Variants in NBPF20 observed in about 807,000 individuals in gnomAD.
NBPF20 encodes NBPF member 20.
NBPF20 carries 90 observed loss-of-function variants against 68.1 expected under a neutral mutation model. That is an observed-to-expected ratio of 1.32 (90% CI 1.11 to 1.58). The LOEUF is 1.58. NBPF20 is among the 40% of genes most tolerant of loss of function. NBPF20 has a pLI of 0.00. For synonymous variants in NBPF20, 290 were observed against 228.1 expected, an observed-to-expected ratio of 1.27 and a Z score of -2.45; for missense variants, 816 against 601.2, an observed-to-expected ratio of 1.36 and a Z score of -3.74.
intron 9 of NBPF20, chr1:145,393,634 C>G: frequency 1.1e-6 from 1 of 916,952 alleles, no homozygotes; most frequent in Non-Finnish European, 1.6e-6. Flanking sequence ...GCTCAAGTTT[C>G]CCTGCAGTTA....
At chr1:145,404,565 C>T (rs1319267487) in intron 2 of NBPF20, among the ~76,000 whole-genome samples, 3 of 152,148 alleles carry the variant, frequency 2.0e-5, no homozygotes, top group East Asian at 1.9e-4. Flanking sequence ...CCCCTACTCC[C>T]TGCTCTTGAT....
intron 9 of NBPF20, 97 bp downstream of exon 14, chr1:145,393,787 A>G (rs1467398355): frequency 9.5e-6 from 13 of 1,369,142 alleles, no homozygotes; most frequent in Admixed American, 1.7e-5. Context: ...TTGTCTGACA[A>G]GACAAAATCA....
chr1:145,406,085 A>ATTTTTTTTTTT (rs587699811), upstream of NBPF20, among the ~76,000 whole-genome samples: 24 of 117,632 alleles, frequency 2.0e-4, no homozygotes, highest in Admixed American at 3.5e-4. Context: ...CGCCCGGCTA[A>ATTTTTTTTTTT]TTTTTTTTTT....
chr1:145,419,952 CCT>C, the NBPF20 span, among the ~76,000 whole-genome samples: 2 of 151,958 alleles, frequency 1.3e-5, no homozygotes, highest in South Asian at 2.1e-4. Context: ...TCAAAAGTGG[CCT>C]CTCTTTTAAC....
intron 129 of NBPF20, among the ~76,000 whole-genome samples, 197 bp from the exon 135 acceptor site, chr1:145,298,331 G>T (rs1241202440): frequency 7.3e-5 from 10 of 136,808 alleles, no homozygotes; most frequent in African/African-American, 3.3e-4. Flanking sequence ...AAGACAGATA[G>T]ACACACACAC....
intron 13 of NBPF20, among the ~76,000 whole-genome samples, chr1:145,390,339 C>A (rs1661943494): frequency 1.5e-5 from 1 of 64,722 alleles, no homozygotes; most frequent in Non-Finnish European, 2.6e-5. Context: ...CACACACACA[C>A]ACACAGACAC....
chr1:145,400,944 C>T lies in NBPF20; in HGVS notation c.566+115G>A, dbSNP rs1242528067. The T allele has an allele frequency of 3.2e-5, 41 of 1,271,028 alleles. No homozygotes were observed. The African/African-American group carries it at 3.4e-4, about 11-fold the overall frequency. 78.7% of individuals were successfully genotyped at this position (1,271,028 alleles called of 1,614,324 possible). On this transcript the variant is annotated intron_variant, in intron 5 of 137. Transcript: ENST00000369373. Reference sequence around the variant, plus strand: ...TCTAAGCTGGGTTATATTTCACATACTGTGGCCAAGCAAATGTGGGTTTTT... The same window carrying T: ...TCTAAGCTGGGTTATATTTCACATATTGTGGCCAAGCAAATGTGGGTTTTT...
chr1:145,422,725 A>C, the NBPF20 span, among the ~76,000 whole-genome samples: 1 of 152,230 alleles, frequency 6.6e-6, no homozygotes, highest in Non-Finnish European at 1.5e-5. Context: ...GGGGTGGCTC[A>C]TGCCTGTAAT....
At chr1:145,291,569 C>A in exon 138 of NBPF20, 2 of 1,612,002 alleles carry the variant, frequency 1.2e-6, no homozygotes, top group Non-Finnish European at 1.7e-6. Context: ...CAGGTGGAGA[C>A]TTGTCACCGT....
chr1:145,410,490 G>T (rs1553668743), upstream of NBPF20, among the ~76,000 whole-genome samples: 3 of 150,496 alleles, frequency 2.0e-5, no homozygotes, highest in African/African-American at 4.9e-5. Flanking sequence ...ATTTTTTGTA[G>T]TTTTAGTAGA....
chr1:145,405,243 G>A (rs868983031), exon 2 of NBPF20: 70 of 1,610,278 alleles, frequency 4.3e-5, no homozygotes, highest in East Asian at 8.9e-5. Flanking sequence ...CTGCCTTCTC[G>A]CTGGACCAAG....
Position 145,400,249 on chromosome 1 carries a change from AC to A in NBPF20, c.775+136del, listed in dbSNP as rs1662455226. The A allele has an allele frequency of 1.0e-5, 16 of 1,562,062 alleles. 1 individual carries two copies. In the South Asian group the frequency reaches 1.7e-4, roughly 17 times the overall value. On this transcript the variant is annotated intron_variant, in intron 6 of 137. Transcript: ENST00000369373. ...AAAGTCATGACATTAGCTGAGAAGG[AC>A]AAAAAAAGTCCCTGATATCTGTTTA...
rs1419702599 is a variant in NBPF20, at chr1:145,400,465, C to T, written c.696G>A (p.Glu232=). Residue 232 remains glutamate, a synonymous_variant, in exon 6 of 138, where the codon GAG becomes GAA. Transcript: ENST00000369373. Reference sequence around the variant, plus strand: ...TCAGAGTTGAGTCGACTTTGTCTTCCTCAAATGTGATTTTGGTTTTCCTAT... The same window carrying T: ...TCAGAGTTGAGTCGACTTTGTCTTCTTCAAATGTGATTTTGGTTTTCCTAT... 4.3e-6 allele frequency: 7 copies of T among 1,613,114 alleles called. No homozygotes were observed. In the East Asian group the frequency reaches 1.3e-4, roughly 31 times the overall value.
intron 83 of NBPF20, among the ~76,000 whole-genome samples, chr1:145,334,960 T>A (rs1661566346): frequency 1.1e-5 from 1 of 92,064 alleles, no homozygotes. Context: ...ACAGTGATCA[T>A]GAAAAGAGTG....
upstream of NBPF20, among the ~76,000 whole-genome samples, chr1:145,405,946 T>G (rs1335713384): frequency 1.3e-5 from 2 of 149,506 alleles, no homozygotes; most frequent in Non-Finnish European, 1.5e-5. Flanking sequence ...GGAGACAGAG[T>G]CTCACTCTGT....
At chr1:145,395,613 A>T (rs1352411546) in intron 7 of NBPF20, among the ~76,000 whole-genome samples, 2 of 150,020 alleles carry the variant, frequency 1.3e-5, no homozygotes, top group East Asian at 1.9e-4. Flanking sequence ...ATACTAGCCA[A>T]CATACTACCA....
At chr1:145,421,769 G>T in the NBPF20 span, among the ~76,000 whole-genome samples, 1 of 152,196 alleles carries the variant, frequency 6.6e-6, no homozygotes, top group Non-Finnish European at 1.5e-5. Context: ...GGCCAGCGGT[G>T]ATGGCTTATG....
At chr1:145,402,447 C>T in intron 3 of NBPF20, 66 bp from the exon 9 acceptor site, 1 of 1,572,402 alleles carries the variant, frequency 6.4e-7, no homozygotes, top group South Asian at 1.1e-5. Flanking sequence ...AATATTGCAA[C>T]AGAGATTTCT....
At position 145,291,631 on chromosome 1, in the gene NBPF20, C is replaced by T. The variant is rs377543734; in HGVS notation, c.16836G>A (p.Glu5612=). The T allele has an allele frequency of 6.2e-5, 100 of 1,611,760 alleles. No homozygotes were observed. The South Asian group carries it at 8.5e-4, about 14-fold the overall frequency. Residue 5612 remains glutamate, a synonymous_variant, in exon 138 of 138, where the codon GAG becomes GAA. Transcript: ENST00000369373. ...AAAGGGCGAAGCTGATGTGCTGTTC[C>T]TCAAATGAGTAAAACACACTTCTGT... is the stretch of plus-strand genomic sequence containing the variant.
Sources: allele counts gnomAD v4.1 joint callset (sites outside exome capture counted in the v4.1 genomes callset), GRCh38; gene constraint gnomAD v4.1.1; transcripts MANE v1.5; gene names NCBI Gene and HGNC (gene_info 2026-07-23, HGNC 2026-07-21).